MCPH1: variants seen among roughly 807,000 people sequenced by gnomAD.
The protein encoded by MCPH1 is microcephalin.
A neutral mutation model predicts 84.5 loss-of-function variants in MCPH1; 104 were observed. That is an observed-to-expected ratio of 1.23 (90% CI 1.05 to 1.45). The LOEUF is 1.45. MCPH1 is among the 40% of genes most tolerant of loss of function. The pLI is 0.00. For synonymous variants in MCPH1, 514 were observed against 366.8 expected, an observed-to-expected ratio of 1.40 and a Z score of -4.58; for missense variants, 1,498 against 1,005.7, an observed-to-expected ratio of 1.49 and a Z score of -6.62.
chr8:6,459,888 T>G (rs1261048860), intron 9 of MCPH1, among the ~76,000 whole-genome samples: 1 of 152,184 alleles, frequency 6.6e-6, no homozygotes, highest in Admixed American at 6.5e-5. Context: ...TGGGAAGGCC[T>G]GGAGCCTGTG....
intron 11 of MCPH1, among the ~76,000 whole-genome samples, chr8:6,495,939 T>G (rs1179152641): frequency 6.6e-6 from 1 of 152,200 alleles, no homozygotes; most frequent in Non-Finnish European, 1.5e-5. Flanking sequence ...ATACCAGCAG[T>G]CTCCAACCTT....
Position 6,439,015 on chromosome 8 carries a change from G to T in MCPH1, c.499G>T (p.Glu167Ter), listed in dbSNP as rs1320239178. Reference sequence around the variant, plus strand: ...TTCATTAATATATACTCCCACAATTGAAATTAATAGTAGGCACCACAGCGC... The same window carrying T: ...TTCATTAATATATACTCCCACAATTTAAATTAATAGTAGGCACCACAGCGC... ...NGSLIYTPTIEINSRHHSAME... is the reference protein window; with the variant it reads ...NGSLIYTPTI The change falls in exon 6 of 14, where the codon GAA becomes TAA. Residue 167 changes from glutamate (E) to a stop codon, truncating the protein, a stop_gained. Transcript: ENST00000344683. LOFTEE classifies it high-confidence loss of function. 1 of 1,610,984 alleles carries T rather than the reference G, an allele frequency of 6.2e-7. No homozygotes were observed. Among genetic ancestry groups the T allele is most frequent in the Non-Finnish European group, 8.5e-7 (1 of 1,177,460 alleles).
intron 6 of MCPH1, among the ~76,000 whole-genome samples, chr8:6,439,338 C>CT (rs1803147133): frequency 6.9e-6 from 1 of 144,818 alleles, no homozygotes; most frequent in East Asian, 2.0e-4. Flanking sequence ...TTTGTAATTT[C>CT]TATTATCTTT....
chr8:6,418,180 C>G (rs560705534), intron 3 of MCPH1, among the ~76,000 whole-genome samples: 7 of 152,230 alleles, frequency 4.6e-5, no homozygotes, highest in African/African-American at 1.7e-4. Context: ...TGCCCAGTCT[C>G]CTTCCCCTGG....
intron 12 of MCPH1, among the ~76,000 whole-genome samples, chr8:6,571,094 ATTATGGAATATT>A (rs1442062501): frequency 6.6e-6 from 1 of 152,096 alleles, no homozygotes; most frequent in Admixed American, 6.5e-5. Flanking sequence ...CTCTAGTATT[ATTATGGAATATT>A]TTATCTTCCC....
chr8:6,408,871 A>C lies in MCPH1; in HGVS notation c.23-408A>C, dbSNP rs180831353. ...GCCACCACACCTGGCCAGTAGAGTA[A>C]ATTTTTGTTTTACTTTTTTCTTTTT... On this transcript the variant is annotated intron_variant, in intron 1 of 13. Coordinates refer to ENST00000344683, the MANE Select transcript of MCPH1 (RefSeq NM_024596.5). Among the ~76,000 whole-genome samples the C allele has an allele frequency of 3.0e-3, 437 of 144,462 alleles. 1 individual carries two copies. The highest frequency in any genetic ancestry group is 5.0e-3 in the Non-Finnish European group (329 of 66,120). 94.8% of individuals were successfully genotyped at this position (144,462 alleles called of 152,430 possible).
intron 12 of MCPH1, among the ~76,000 whole-genome samples, chr8:6,614,361 C>T (rs1685308783): frequency 6.6e-6 from 1 of 152,224 alleles, no homozygotes; most frequent in African/African-American, 2.4e-5. Context: ...TTATAGCTTT[C>T]CGCTGCCAGG....
intron 13 of MCPH1, among the ~76,000 whole-genome samples, chr8:6,624,615 G>T (rs1218274946): frequency 6.6e-6 from 1 of 152,116 alleles, no homozygotes; most frequent in Non-Finnish European, 1.5e-5. Context: ...TTATTTTTCT[G>T]TCCGTACATA....
At chr8:6,406,762 G>C in intron 1 of MCPH1, 73 bp downstream of exon 1, 4 of 1,552,604 alleles carry the variant, frequency 2.6e-6, no homozygotes, top group Non-Finnish European at 3.5e-6. Context: ...GGGCGCACTC[G>C]GGGGATCCCG....
chr8:6,635,600 C>G (rs369642685), intron 13 of MCPH1, among the ~76,000 whole-genome samples: 1 of 151,988 alleles, frequency 6.6e-6, no homozygotes, highest in East Asian at 1.9e-4. Flanking sequence ...CTCAAAAAAA[C>G]CCAAAAAACT....
Position 6,431,550 on chromosome 8 carries a change from T to A in MCPH1, c.285T>A (p.Asn95Lys). The change falls in exon 4 of 14, where the codon AAT becomes AAA. Residue 95 changes from asparagine to lysine, a missense_variant. Transcript: ENST00000344683. ...HIDESLFPAA[N>K]MNEHLSSLIK... is the part of the protein sequence containing the mutation. The stretch of plus-strand genomic sequence containing the variant: ...ATGAATCATTGTTCCCTGCAGCTAA[T>A]ATGAATGAACACTTATCAAGCCTAA... The A allele has an allele frequency of 6.2e-7, 1 of 1,613,514 alleles. No homozygotes were observed. The highest frequency in any genetic ancestry group is 8.5e-7 in the Non-Finnish European group (1 of 1,179,652).
intron 10 of MCPH1, 108 bp from the exon 11 acceptor site, chr8:6,480,606 C>T (rs770508794): frequency 1.2e-5 from 15 of 1,263,882 alleles, no homozygotes; most frequent in African/African-American, 1.5e-5. Flanking sequence ...AAATCAGTTT[C>T]AAATTTTGGC....
intron 12 of MCPH1, chr8:6,507,518 C>T (rs1037014472): frequency 6.6e-6 from 1 of 151,338 alleles, no homozygotes; most frequent in Non-Finnish European, 1.5e-5. Context: ...AGCGTTTGTT[C>T]CTGTCAGTGA....
intron 11 of MCPH1, chr8:6,494,447 A>C (rs1029100933): frequency 6.6e-6 from 1 of 152,252 alleles, no homozygotes; most frequent in African/African-American, 2.4e-5. Context: ...GCTACACCGT[A>C]GCTGTGTAAC....
At chr8:6,506,573 A>G (rs573243175) in intron 12 of MCPH1, among the ~76,000 whole-genome samples, 1 of 152,208 alleles carries the variant, frequency 6.6e-6, no homozygotes, top group African/African-American at 2.4e-5. Flanking sequence ...GACAGGAAAC[A>G]AAGTCCTAGG....
intron 12 of MCPH1, chr8:6,501,820 T>G (rs926958402): frequency 6.6e-5 from 10 of 152,162 alleles, no homozygotes; most frequent in African/African-American, 1.9e-4. Flanking sequence ...CCTACCAATG[T>G]ACTGGGATTA....
chr8:6,487,931 C>T (rs2442484), intron 11 of MCPH1, among the ~76,000 whole-genome samples: 147,317 of 152,358 alleles, frequency 0.97, 71,400 homozygotes, highest in East Asian at 1. Context: ...CTGACTTGAA[C>T]GTGGATCTTA....
chr8:6,574,741 G>C (rs766292274), intron 12 of MCPH1, among the ~76,000 whole-genome samples: 8 of 152,204 alleles, frequency 5.3e-5, no homozygotes, highest in Non-Finnish European at 1.2e-4. Context: ...GTGTAGGACA[G>C]AGAGACGAGA....
At chr8:6,415,605 C>T (rs1443508627) in intron 3 of MCPH1, among the ~76,000 whole-genome samples, 3 of 152,114 alleles carry the variant, frequency 2.0e-5, no homozygotes, top group African/African-American at 4.8e-5. Context: ...CCACCTGCCT[C>T]GGCCTCCCAA....
Sources: allele counts gnomAD v4.1 joint callset (sites outside exome capture counted in the v4.1 genomes callset), GRCh38; gene constraint gnomAD v4.1.1; transcripts MANE v1.5; gene names NCBI Gene and HGNC (gene_info 2026-07-23, HGNC 2026-07-21).